The following GAS7 variants were observed in gnomAD, a reference collection of about 807,000 sequenced individuals.
GAS7 encodes growth arrest-specific protein 7.
In GAS7, 28 loss-of-function variants were observed where a neutral mutation model predicts 71.1. The ratio of observed to expected loss-of-function variants is 0.39; its 90% CI spans 0.29 to 0.54. The LOEUF (loss-of-function observed/expected upper bound fraction) is 0.54, where lower values mean the gene tolerates loss of function less well. Among genes scored for constraint, GAS7 ranks in the 20% least tolerant of loss-of-function variants. The pLI, the probability that GAS7 is intolerant of heterozygous loss-of-function variation, is 0.62. For missense variants in GAS7, 436 were observed against 627.8 expected, an observed-to-expected ratio of 0.69 and a Z score of 3.27; for synonymous variants, 258 against 245.8, an observed-to-expected ratio of 1.05 and a Z score of -0.46.
At chr17:10,043,230 CT>C (rs2072898921) in intron 1 of GAS7, among the ~76,000 whole-genome samples, 3 of 152,148 alleles carry the variant, frequency 2.0e-5, no homozygotes, top group African/African-American at 7.2e-5. Context: ...CCCAGGGCCC[CT>C]CTCCAAGACT....
At chr17:9,921,469 G>A (rs1022981000) in intron 11 of GAS7, among the ~76,000 whole-genome samples, 10 of 152,116 alleles carry the variant, frequency 6.6e-5, no homozygotes, top group African/African-American at 2.4e-4. Context: ...GGAGGGCGGC[G>A]TGCTGCTCTG....
At chr17:10,114,832 AGTCACAGGCTT>A (rs1171806486) in intron 1 of GAS7, among the ~76,000 whole-genome samples, 1 of 152,190 alleles carries the variant, frequency 6.6e-6, no homozygotes, top group Non-Finnish European at 1.5e-5. Context: ...CTCAATGAGA[AGTCACAGGCTT>A]GGGGCAATCT....
chr17:10,016,239 G>A (rs1296947258), intron 2 of GAS7, among the ~76,000 whole-genome samples: 1 of 151,966 alleles, frequency 6.6e-6, no homozygotes, highest in African/African-American at 2.4e-5. Flanking sequence ...CAAAAAATTA[G>A]CCAGGTGTGG....
chr17:9,968,743 T>C (rs1003300437), intron 4 of GAS7, among the ~76,000 whole-genome samples: 6 of 152,212 alleles, frequency 3.9e-5, no homozygotes, highest in African/African-American at 1.4e-4. Flanking sequence ...TTCCTTATGT[T>C]AAGTATAGAT....
chr17:10,079,973 A>C (rs914142764), intron 1 of GAS7, among the ~76,000 whole-genome samples: 1 of 152,212 alleles, frequency 6.6e-6, no homozygotes, highest in Non-Finnish European at 1.5e-5. Context: ...AGGTGTTTGA[A>C]CCAGAGTGAC....
chr17:10,011,756 C>A (rs2071781777), intron 2 of GAS7, among the ~76,000 whole-genome samples: 1 of 152,150 alleles, frequency 6.6e-6, no homozygotes, highest in South Asian at 2.1e-4. Context: ...GCGGGTGGAT[C>A]ACCTGAGGTC....
chr17:10,120,720 A>AAACAAC (rs201421194), intron 1 of GAS7, among the ~76,000 whole-genome samples: 1 of 152,116 alleles, frequency 6.6e-6, no homozygotes, highest in Non-Finnish European at 1.5e-5. Flanking sequence ...CTCAAAAACA[A>AAACAAC]AACAACAACA....
In GAS7 at chr17:9,997,134, T is replaced by C. The variant is rs78344225; in HGVS notation, c.305-15250A>G. Among the ~76,000 whole-genome samples, 303 of 151,828 alleles carry C rather than the reference T, an allele frequency of 2.0e-3. 1 individual carries two copies. The highest frequency in any genetic ancestry group is 6.8e-3 in the African/African-American group (282 of 41,376). On this transcript the variant is annotated intron_variant, in intron 2 of 13. Coordinates refer to ENST00000432992, the MANE Select transcript of GAS7 (RefSeq NM_201433.2). The stretch of plus-strand genomic sequence containing the variant: ...AATGGTGAAAGGCTGAATCAGTCAA[T>C]GCTATTTGAACGATGGGAGAACTAC...
At chr17:10,000,996 C>T (rs1476811517) in intron 2 of GAS7, among the ~76,000 whole-genome samples, 1 of 148,796 alleles carries the variant, frequency 6.7e-6, no homozygotes. Context: ...TTGTTGGATG[C>T]TCCTTGTATC....
intron 1 of GAS7, among the ~76,000 whole-genome samples, chr17:10,162,226 C>A (rs561900684): frequency 1.2e-5 from 1 of 81,126 alleles, no homozygotes; most frequent in South Asian, 5.8e-4. Context: ...GCTCTGACAG[C>A]CCGGCCTGAA....
intron 1 of GAS7, among the ~76,000 whole-genome samples, chr17:10,072,090 T>C (rs1403829481): frequency 6.6e-6 from 1 of 152,158 alleles, no homozygotes; most frequent in African/African-American, 2.4e-5. Flanking sequence ...CAACCCTGGC[T>C]GCCCATGAGA....
chr17:10,019,182 A>T (rs1222550907), intron 2 of GAS7, among the ~76,000 whole-genome samples: 1 of 152,130 alleles, frequency 6.6e-6, no homozygotes, highest in African/African-American at 2.4e-5. Flanking sequence ...GTGTGGTCCT[A>T]TTCAACTCAG....
chr17:9,977,673 A>G (rs913908904), intron 3 of GAS7, among the ~76,000 whole-genome samples: 1 of 151,416 alleles, frequency 6.6e-6, no homozygotes, highest in African/African-American at 2.4e-5. Flanking sequence ...GAATGCAGGC[A>G]AAGTCCCCAG....
intron 2 of GAS7, among the ~76,000 whole-genome samples, chr17:9,998,968 T>A (rs2071156658): frequency 6.6e-6 from 1 of 152,130 alleles, no homozygotes; most frequent in African/African-American, 2.4e-5. Context: ...TAGACTGACA[T>A]CTGGAAAATT....
chr17:10,193,260 CAAAAA>C (rs57261260), intron 1 of GAS7, among the ~76,000 whole-genome samples: 1 of 113,446 alleles, frequency 8.8e-6, no homozygotes, highest in African/African-American at 3.4e-5. Flanking sequence ...CCTCTAGAGT[CAAAAA>C]AAAAAAAAAA....
At chr17:10,000,387 G>C (rs1324095401) in intron 2 of GAS7, among the ~76,000 whole-genome samples, 1 of 152,152 alleles carries the variant, frequency 6.6e-6, no homozygotes, top group African/African-American at 2.4e-5. Flanking sequence ...GTTGGAGGTA[G>C]GACCCTTTAA....
intron 1 of GAS7, among the ~76,000 whole-genome samples, chr17:10,088,854 G>A (rs947356465): frequency 2.0e-5 from 3 of 152,054 alleles, no homozygotes; most frequent in Non-Finnish European, 2.9e-5. Flanking sequence ...GAGACAAGCA[G>A]GATTTGAAAA....
intron 1 of GAS7, among the ~76,000 whole-genome samples, chr17:10,167,062 T>C (rs1344416916): frequency 7.4e-6 from 1 of 134,608 alleles, no homozygotes; most frequent in African/African-American, 2.9e-5. Flanking sequence ...TTTTTTTTTT[T>C]TTTTTTTTTT....
intron 1 of GAS7, among the ~76,000 whole-genome samples, chr17:10,112,053 C>T (rs893046884): frequency 5.3e-5 from 8 of 152,216 alleles, no homozygotes; most frequent in African/African-American, 7.2e-5. Context: ...CCGTACTGGG[C>T]GTCACAAAAG....
Sources: gnomAD v4.1 joint callset for allele counts (sites outside exome capture counted in the v4.1 genomes callset) on GRCh38, gnomAD v4.1.1 for gene constraint, MANE v1.5 for transcripts, NCBI Gene and HGNC (gene_info 2026-07-23, HGNC 2026-07-21) for gene names.